SMIM13: variants seen among roughly 807,000 people sequenced by gnomAD.
SMIM13 encodes the protein small integral membrane protein 13.
Under a neutral mutation model 5.9 loss-of-function variants are expected in SMIM13, and 3 were observed. That is an observed-to-expected ratio of 0.51 (90% CI 0.23 to 1.31). SMIM13 has a LOEUF of 1.31. SMIM13 is among the 40% of genes most tolerant of loss of function. SMIM13 has a pLI of 0.18. For missense variants in SMIM13, 85 were observed against 109.9 expected (o/e 0.77, Z 1.01); for synonymous variants, 55 against 46.0 (o/e 1.19, Z -0.79).
At chr6:11,134,222 C>G (rs1174686332) in intron 1 of SMIM13, among the ~76,000 whole-genome samples, 181 bp from the exon 2 acceptor site, 1 of 152,136 alleles carries the variant, frequency 6.6e-6, no homozygotes, top group Non-Finnish European at 1.5e-5. Flanking sequence ...TTTGTCATTA[C>G]TGTAATCCCA....
rs970760465 is a variant in SMIM13 at position 11,135,220 on chromosome 6, G to A, written c.*618G>A. The A allele has an allele frequency of 7.9e-5, 12 of 152,576 alleles. No homozygotes were observed. Among genetic ancestry groups the A allele is most frequent in the African/African-American group, 2.9e-4 (12 of 41,438 alleles). The allele number at this position is 152,576 out of a possible 1,614,324, so 9.5% of individuals were successfully genotyped here. ...AGGGCGTACATTTGATATTAGTGAA[G>A]CAAATATTCGTCGCTGGAGAAATGA... On this transcript the variant is annotated 3_prime_UTR_variant, in exon 2 of 2. Coordinates refer to ENST00000416247, the MANE Select transcript of SMIM13 (RefSeq NM_001135575.2).
intron 1 of SMIM13, chr6:11,104,579 C>G: frequency 6.2e-7 from 1 of 1,612,512 alleles, no homozygotes. Context: ...GGTTAGCTCC[C>G]TTGGTTTTAT....
chr6:11,116,855 T>G (rs1354009750), intron 1 of SMIM13, among the ~76,000 whole-genome samples: 2 of 152,168 alleles, frequency 1.3e-5, no homozygotes, highest in East Asian at 3.9e-4. Context: ...TATCTATATA[T>G]CTTTCCTTCT....
chr6:11,094,472 G>C, intron 1 of SMIM13, 83 bp downstream of exon 1: 1 of 1,156,166 alleles, frequency 8.6e-7, no homozygotes, highest in Non-Finnish European at 1.2e-6. Flanking sequence ...TTGTTTTTTT[G>C]AAAAAAACAA....
At chr6:11,116,978 G>GTTT (rs1561756849) in intron 1 of SMIM13, among the ~76,000 whole-genome samples, 83 of 67,674 alleles carry the variant, frequency 1.2e-3, no homozygotes, top group Admixed American at 3.0e-3. Flanking sequence ...AATGATAATT[G>GTTT]TTTCTTTTTT....
At chr6:11,114,928 A>G (rs974607873) in intron 1 of SMIM13, among the ~76,000 whole-genome samples, 22 of 152,158 alleles carry the variant, frequency 1.4e-4, no homozygotes, top group Admixed American at 1.2e-3. Context: ...GTCTGTTAAT[A>G]TGGTGGATTT....
intron 1 of SMIM13, among the ~76,000 whole-genome samples, chr6:11,111,122 G>A (rs949401151): frequency 1.3e-5 from 2 of 152,224 alleles, no homozygotes; most frequent in African/African-American, 2.4e-5. Flanking sequence ...AGGGACATCC[G>A]TAAGGGAGTC....
chr6:11,104,093 G>T, intron 1 of SMIM13: 5 of 1,551,712 alleles, frequency 3.2e-6, no homozygotes, highest in Non-Finnish European at 4.4e-6. Context: ...CTAAAGAGTC[G>T]ATTTGTTCTT....
Position 11,130,439 on chromosome 6 carries a change from G to GA in SMIM13, c.77-3959dup, listed in dbSNP as rs966928482. On this transcript the variant is annotated intron_variant, in intron 1 of 1. Coordinates refer to ENST00000416247, the MANE Select transcript of SMIM13 (RefSeq NM_001135575.2). Reference sequence around the variant, plus strand: ...AGCCTATACCCAGACAGAATTGGGAGAAAAATGCATACTGTTCAAGCTTAC... The same window carrying GA: ...AGCCTATACCCAGACAGAATTGGGAGAAAAAATGCATACTGTTCAAGCTTAC... Among the ~76,000 whole-genome samples, 7 of 152,232 alleles carry GA rather than the reference G, an allele frequency of 4.6e-5. 1 individual carries two copies. Among genetic ancestry groups the GA allele is most frequent in the African/African-American group, 1.7e-4 (7 of 41,542 alleles).
At chr6:11,125,902 T>G (rs187531142) in intron 1 of SMIM13, among the ~76,000 whole-genome samples, 1 of 152,308 alleles carries the variant, frequency 6.6e-6, no homozygotes, top group African/African-American at 2.4e-5. Context: ...GTTATCTCTT[T>G]AAATAAACTT....
At chr6:11,094,447 G>T (rs948024521) in intron 1 of SMIM13, 58 bp downstream of exon 1, 32 of 1,273,628 alleles carry the variant, frequency 2.5e-5, no homozygotes, top group East Asian at 7.7e-5. Context: ...GATCTGCTGG[G>T]GTTTTTTTTG....
intron 1 of SMIM13, among the ~76,000 whole-genome samples, chr6:11,132,896 A>G (rs530256146): frequency 1.3e-5 from 2 of 152,212 alleles, no homozygotes; most frequent in East Asian, 3.8e-4. Context: ...ACGGAATTGT[A>G]TACTTTAAAA....
In SMIM13 at chr6:11,094,312, A is replaced by G. The variant is rs1159599398; in HGVS notation, c.-2A>G. On this transcript the variant is annotated 5_prime_UTR_variant, in exon 1 of 2. Coordinates refer to ENST00000416247, the MANE Select transcript of SMIM13 (RefSeq NM_001135575.2). ...CGAGCCGACTGCCCTTCTGCCCCCA[A>G]GATGTGGCACAGCGTCGGGCTGACT... 2.0e-6 allele frequency: 3 copies of G among 1,491,860 alleles called. No individual in the cohort carries two copies. The highest frequency in any genetic ancestry group is 2.7e-6 in the Non-Finnish European group (3 of 1,118,082). 92.4% of individuals were successfully genotyped at this position (1,491,860 alleles called of 1,614,324 possible). A position where few individuals can be genotyped will look rare whatever the true frequency, so the allele number is the denominator to read the frequency against.
chr6:11,129,658 A>G (rs1166852858), intron 1 of SMIM13, among the ~76,000 whole-genome samples: 1 of 151,898 alleles, frequency 6.6e-6, no homozygotes, highest in Admixed American at 6.6e-5. Flanking sequence ...TTATTTCTGG[A>G]TTCCCTATTG....
intron 1 of SMIM13, among the ~76,000 whole-genome samples, chr6:11,094,851 G>C (rs915990205): frequency 6.6e-6 from 1 of 152,140 alleles, no homozygotes; most frequent in Non-Finnish European, 1.5e-5. Flanking sequence ...TTAGAGTTCA[G>C]CCTTAAACTC....
intron 1 of SMIM13, among the ~76,000 whole-genome samples, chr6:11,127,242 GCTGT>G (rs1256387919): frequency 6.6e-6 from 1 of 152,182 alleles, no homozygotes; most frequent in Non-Finnish European, 1.5e-5. Context: ...TTCTCCCCTA[GCTGT>G]CTGGGAGCCA....
Position 11,134,487 on chromosome 6 carries a change from A to T in SMIM13, c.161A>T (p.Asp54Val). 1 of 1,551,248 alleles carries T rather than the reference A, an allele frequency of 6.4e-7. No individual in the cohort carries two copies. Among genetic ancestry groups the T allele is most frequent in the Non-Finnish European group, 8.7e-7 (1 of 1,146,728 alleles). The change falls in exon 2 of 2, where the codon GAT (aspartate) becomes GTT (valine). Residue 54 changes from aspartate to valine, a missense_variant. Asp to Val is a radical substitution (Grantham distance 152). Transcript: ENST00000416247. Reference protein sequence around the residue: ...LVGDTGSQEGDHEPSGSETEE... With the variant: ...LVGDTGSQEGVHEPSGSETEE... The stretch of plus-strand genomic sequence containing the variant: ...GGAGACACAGGATCCCAAGAGGGAG[A>T]TCATGAGCCTTCAGGGTCTGAAACT...
chr6:11,116,293 A>G (rs1758239912), intron 1 of SMIM13, among the ~76,000 whole-genome samples: 1 of 152,210 alleles, frequency 6.6e-6, no homozygotes, highest in African/African-American at 2.4e-5. Flanking sequence ...TGCTGGGATT[A>G]TAGGCATGAG....
chr6:11,121,019 A>T (rs76865979), intron 1 of SMIM13, among the ~76,000 whole-genome samples: 2,319 of 152,322 alleles, frequency 0.015, 23 homozygotes, highest in South Asian at 0.034. Context: ...AGTGTGTTTC[A>T]TGAAATTCAT....
Sources: allele counts gnomAD v4.1 joint callset (sites outside exome capture counted in the v4.1 genomes callset), GRCh38; gene constraint gnomAD v4.1.1; transcripts MANE v1.5; gene names NCBI Gene and HGNC (gene_info 2026-07-23, HGNC 2026-07-21).